The following DPF3 variants were observed in gnomAD, a reference collection of about 807,000 sequenced individuals.
The protein encoded by DPF3 is double PHD fingers 3.
A neutral mutation model predicts 56.8 loss-of-function variants in DPF3; 18 were observed. That is an observed-to-expected ratio of 0.32 (90% CI 0.22 to 0.47). The LOEUF (loss-of-function observed/expected upper bound fraction) is 0.47. DPF3 is among the 20% of genes least tolerant of loss of function. DPF3 has a pLI of 1.00. For missense variants in DPF3, 403 were observed against 488.8 expected (o/e 0.82, Z 1.65); for synonymous variants, 188 against 180.2 (o/e 1.04, Z -0.35).
At chr14:72,737,536 G>A (rs186896411) in intron 3 of DPF3, among the ~76,000 whole-genome samples, 6 of 152,252 alleles carry the variant, frequency 3.9e-5, no homozygotes, top group East Asian at 3.9e-4. Flanking sequence ...CTTCTCCTTC[G>A]TTATTTGGCT....
intron 7 of DPF3, among the ~76,000 whole-genome samples, chr14:72,688,330 G>T (rs570593694): frequency 1.3e-3 from 186 of 147,916 alleles, no homozygotes; most frequent in African/African-American, 4.7e-3. Flanking sequence ...TGGGTGGATG[G>T]ATCGATGACG....
At chr14:72,861,735 A>G (rs868834354) in intron 1 of DPF3, among the ~76,000 whole-genome samples, 5 of 45,648 alleles carry the variant, frequency 1.1e-4, no homozygotes, top group Non-Finnish European at 2.2e-4. Context: ...GAAAGAAAGA[A>G]AGAGAAAGAA....
At chr14:72,643,742 C>A (rs754123498) in intron 8 of DPF3, among the ~76,000 whole-genome samples, 8 of 152,244 alleles carry the variant, frequency 5.3e-5, no homozygotes, top group Admixed American at 3.9e-4. Flanking sequence ...GAGAGGAGCA[C>A]AAAAGACGGC....
At chr14:72,713,309 C>A (rs1888735248) in intron 6 of DPF3, among the ~76,000 whole-genome samples, 1 of 152,240 alleles carries the variant, frequency 6.6e-6, no homozygotes, top group African/African-American at 2.4e-5. Context: ...TGTTCTCCAA[C>A]CAGCTGTCAC....
At chr14:72,834,038 C>T (rs886123612) in intron 1 of DPF3, among the ~76,000 whole-genome samples, 2 of 151,454 alleles carry the variant, frequency 1.3e-5, no homozygotes, top group African/African-American at 4.9e-5. Flanking sequence ...AAAAATTAGC[C>T]AGGTGTGCTG....
chr14:72,892,162 A>G, intron 1 of DPF3: 1 of 1,535,272 alleles, frequency 6.5e-7, no homozygotes, highest in Non-Finnish European at 8.7e-7. Flanking sequence ...GCACATGTGA[A>G]ATAGGTTCTC....
chr14:72,790,688 C>T (rs1232941158), intron 1 of DPF3, among the ~76,000 whole-genome samples: 1 of 152,120 alleles, frequency 6.6e-6, no homozygotes, highest in Non-Finnish European at 1.5e-5. Context: ...CCCATTCTGT[C>T]AGTCCCCCTG....
At chr14:72,837,475 C>T (rs1030381990) in intron 1 of DPF3, among the ~76,000 whole-genome samples, 5 of 151,944 alleles carry the variant, frequency 3.3e-5, no homozygotes, top group Non-Finnish European at 7.4e-5. Flanking sequence ...TGGTGGCTCA[C>T]GCCTGTAATC....
chr14:72,852,267 T>A (rs938979699), intron 1 of DPF3, among the ~76,000 whole-genome samples: 1 of 152,138 alleles, frequency 6.6e-6, no homozygotes, highest in Non-Finnish European at 1.5e-5. Flanking sequence ...GTGAAAAAAG[T>A]TGGAGGCCTA....
chr14:72,650,264 C>T (rs1885868472), intron 8 of DPF3, among the ~76,000 whole-genome samples: 3 of 152,168 alleles, frequency 2.0e-5, no homozygotes, highest in Admixed American at 1.3e-4. Flanking sequence ...CAGGGCAAAA[C>T]CAGGTCAAGG....
At chr14:72,766,199 A>G (rs1169971738) in intron 2 of DPF3, among the ~76,000 whole-genome samples, 1 of 152,228 alleles carries the variant, frequency 6.6e-6, no homozygotes, top group Non-Finnish European at 1.5e-5. Context: ...AACTTTTTTA[A>G]TAACAAGGCA....
At position 72,784,596 on chromosome 14, in the gene DPF3, T is replaced by C. The variant is rs139266096; in HGVS notation, c.33-12703A>G. Among the ~76,000 whole-genome samples, 184 of 152,258 alleles carry C rather than the reference T, an allele frequency of 1.2e-3. 1 individual carries two copies. The highest frequency in any genetic ancestry group is 0.01 in the Middle Eastern group (3 of 294). On this transcript the variant is annotated intron_variant, in intron 1 of 10. Transcript: ENST00000556509. ...CTCTACCATCTTCTTTCCCAATTCG[T>C]CCACCTCATCAAGAGTCATTTATCA...
intron 1 of DPF3, among the ~76,000 whole-genome samples, chr14:72,776,765 C>T (rs1451343556): frequency 6.6e-6 from 1 of 152,026 alleles, no homozygotes; most frequent in Non-Finnish European, 1.5e-5. Flanking sequence ...GACCTGAGGA[C>T]AGGTGTCCTG....
chr14:72,705,562 C>T (rs1189192343), intron 6 of DPF3, among the ~76,000 whole-genome samples: 2 of 152,158 alleles, frequency 1.3e-5, no homozygotes, highest in Non-Finnish European at 2.9e-5. Flanking sequence ...AACTTGGGTA[C>T]TGTGGCTCTA....
In DPF3 at chr14:72,612,749, G is replaced by A. The variant is rs1487734941; in HGVS notation, c.*6548C>T. 7.8e-6 allele frequency: 3 copies of A among 383,280 alleles called. No homozygotes were observed. The highest frequency in any genetic ancestry group is 1.6e-5 in the Non-Finnish European group (3 of 192,566). 23.7% of individuals were successfully genotyped at this position (383,280 alleles called of 1,614,324 possible). A position where few individuals can be genotyped will look rare whatever the true frequency, so the allele number is the denominator to read the frequency against. On this transcript the variant is annotated 3_prime_UTR_variant, in exon 11 of 11. Transcript: ENST00000556509. ...GAGACTTTTGAAGTACCCAACTATT[G>A]CCAAATATCTTTCATGAAAAGAAGC...
At chr14:72,697,612 T>C (rs953923152) in intron 6 of DPF3, among the ~76,000 whole-genome samples, 4 of 152,190 alleles carry the variant, frequency 2.6e-5, no homozygotes, top group African/African-American at 9.6e-5. Flanking sequence ...ATCCTGACAA[T>C]GGGGCAGCCA....
At chr14:72,812,266 C>T (rs1383984676) in intron 1 of DPF3, among the ~76,000 whole-genome samples, 3 of 152,194 alleles carry the variant, frequency 2.0e-5, no homozygotes, top group Admixed American at 1.3e-4. Context: ...TCCCATCCCA[C>T]AGGCAGGGCA....
At chr14:72,687,250 A>C (rs1450812829) in intron 7 of DPF3, among the ~76,000 whole-genome samples, 5 of 152,222 alleles carry the variant, frequency 3.3e-5, no homozygotes, top group Non-Finnish European at 2.9e-5. Context: ...AGGAACCTAG[A>C]AGAACCCATC....
intron 1 of DPF3, among the ~76,000 whole-genome samples, chr14:72,820,956 A>G (rs112547365): frequency 0.014 from 2,098 of 151,934 alleles, 47 homozygotes; most frequent in African/African-American, 0.048. Context: ...ACATGATGAA[A>G]CCCCATCTCT....
Sources: allele counts gnomAD v4.1 joint callset (sites outside exome capture counted in the v4.1 genomes callset), GRCh38; gene constraint gnomAD v4.1.1; transcripts MANE v1.5; gene names NCBI Gene and HGNC (gene_info 2026-07-23, HGNC 2026-07-21).